The following SBF2 variants were observed in gnomAD, a reference collection of about 807,000 sequenced individuals.
SBF2 encodes the protein SET binding factor 2, also known as myotubularin-related protein 13.
SBF2 carries 112 observed loss-of-function variants against 225.2 expected under a neutral mutation model. The ratio of observed to expected loss-of-function variants is 0.50; its 90% CI spans 0.43 to 0.58. The LOEUF is 0.58. Among genes scored for constraint, SBF2 ranks in the 20% least tolerant of loss-of-function variants. The pLI is 0.00. For synonymous variants in SBF2, 763 were observed against 773.3 expected (o/e 0.99, Z 0.22); for missense variants, 1,996 against 2,206.2 (o/e 0.90, Z 1.91).
intron 2 of SBF2, among the ~76,000 whole-genome samples, chr11:10,145,112 G>A (rs1039399514): frequency 1.3e-5 from 2 of 152,160 alleles, no homozygotes; most frequent in Admixed American, 1.3e-4. Flanking sequence ...GCTTTACAAC[G>A]TCCAGGGCCT....
chr11:10,046,035 C>T (rs1180099232), intron 2 of SBF2, among the ~76,000 whole-genome samples: 1 of 151,974 alleles, frequency 6.6e-6, no homozygotes, highest in Non-Finnish European at 1.5e-5. Flanking sequence ...TAGCTATTTA[C>T]ATAACATTTA....
At chr11:9,920,908 T>C (rs61876938) in intron 16 of SBF2, among the ~76,000 whole-genome samples, 4 of 147,824 alleles carry the variant, frequency 2.7e-5, no homozygotes, top group Non-Finnish European at 4.4e-5. Context: ...TAAGGGTTCC[T>C]CCTACCCTTA....
chr11:9,942,856 A>G (rs1256697354), intron 16 of SBF2, among the ~76,000 whole-genome samples: 6 of 143,672 alleles, frequency 4.2e-5, no homozygotes, highest in East Asian at 4.0e-4. Flanking sequence ...ACAAAGAAAG[A>G]AAGGAAGAAA....
intron 2 of SBF2, among the ~76,000 whole-genome samples, chr11:10,172,691 G>C (rs1485237878): frequency 6.6e-6 from 1 of 151,522 alleles, no homozygotes; most frequent in Non-Finnish European, 1.5e-5. Flanking sequence ...TTTTGAGATG[G>C]CGTCTCACTC....
intron 1 of SBF2, among the ~76,000 whole-genome samples, chr11:10,264,621 C>T (rs1961771688): frequency 6.6e-6 from 1 of 152,022 alleles, no homozygotes; most frequent in South Asian, 2.1e-4. Context: ...TTCTGAGGTA[C>T]ATGTGCAGAA....
chr11:10,241,626 A>T (rs907748525), intron 1 of SBF2, among the ~76,000 whole-genome samples: 14 of 152,124 alleles, frequency 9.2e-5, no homozygotes, highest in Non-Finnish European at 1.3e-4. Flanking sequence ...AAAAGATAAA[A>T]AAGTATATTA....
At chr11:10,094,337 A>G (rs1001520995) in intron 2 of SBF2, among the ~76,000 whole-genome samples, 4 of 151,974 alleles carry the variant, frequency 2.6e-5, no homozygotes, top group Non-Finnish European at 5.9e-5. Flanking sequence ...AAATATATGT[A>G]TATATATATT....
At chr11:9,958,997 C>T in intron 16 of SBF2, 1 of 921,654 alleles carries the variant, frequency 1.1e-6, no homozygotes, top group Non-Finnish European at 1.7e-6. Context: ...TTGATGGCCT[C>T]CTCAATGTAT....
At chr11:10,241,127 G>T (rs115634707) in intron 1 of SBF2, among the ~76,000 whole-genome samples, 3,302 of 152,240 alleles carry the variant, frequency 0.022, 90 homozygotes, top group African/African-American at 0.065. Flanking sequence ...GAGGAAGGGG[G>T]ATCACTTGAG....
chr11:9,808,155 G>A lies in SBF2; in HGVS notation c.4288C>T (p.Pro1430Ser), dbSNP rs1312716983. The change falls in exon 32 of 40, where the codon CCC (proline) becomes TCC (serine). Residue 1430 changes from proline (P) to serine (S), a missense_variant. Physicochemically the swap from Pro to Ser is moderately conservative, Grantham distance 74. Transcript: ENST00000256190. ...AAGCCTTCAAGTGTCCTATAAAAGG[G>A]ATCACTGAGTAACTGAACCAGGGAT... ...VTSLVQLLSDPFYRTLEGFQM... is the reference protein window; with the variant it reads ...VTSLVQLLSDSFYRTLEGFQM... 1.9e-6 allele frequency: 3 copies of A among 1,613,952 alleles called. No homozygotes were observed. The highest frequency in any genetic ancestry group is 1.3e-5 in the African/African-American group (1 of 74,910).
chr11:9,958,879 G>C, intron 16 of SBF2: 1 of 676,704 alleles, frequency 1.5e-6, no homozygotes, highest in Non-Finnish European at 2.8e-6. Flanking sequence ...CAACAGTCTG[G>C]GGAATGTGTA....
intron 16 of SBF2, chr11:9,958,825 G>A (rs145697791): frequency 5.5e-5 from 32 of 581,578 alleles, no homozygotes; most frequent in African/African-American, 5.4e-4. Flanking sequence ...GGTCACAGTC[G>A]GCAGAGAGGC....
intron 16 of SBF2, among the ~76,000 whole-genome samples, chr11:9,927,989 A>C (rs1388891703): frequency 7.9e-6 from 1 of 126,996 alleles, no homozygotes; most frequent in Non-Finnish European, 1.7e-5. Context: ...CTAAATATGA[A>C]ACCTAAACAT....
At chr11:9,985,022 G>C (rs1210724399) in intron 13 of SBF2, among the ~76,000 whole-genome samples, 1 of 152,016 alleles carries the variant, frequency 6.6e-6, no homozygotes. Flanking sequence ...AAAAATACAA[G>C]TTAAAAAGCA....
rs560799071 is a variant in SBF2, at chr11:10,165,295, T to C, written c.141+28607A>G. ...GTAAGATATAATGCATTGCTATTGG[T>C]ATTTGAAGCTTGCCACAGATATTAA... On this transcript the variant is annotated intron_variant, in intron 2 of 39. Transcript: ENST00000256190. Among the ~76,000 whole-genome samples, 4 of 152,312 alleles carry C rather than the reference T, an allele frequency of 2.6e-5. No homozygotes were observed. The East Asian group carries it at 7.7e-4, about 29-fold the overall frequency.
In SBF2 at chr11:10,182,236, G is replaced by C. The variant is rs577683434; in HGVS notation, c.141+11666C>G. 3.3e-5 allele frequency among the ~76,000 whole-genome samples: 5 copies of C among 152,246 alleles called. No individual in the cohort carries two copies. In the East Asian group the frequency reaches 9.6e-4, roughly 29 times the overall value. ...AAAGCTTTATGAGATCAAAATGGGG[G>C]GGTAGGTAATATAAAAATTCATTCC... On this transcript the variant is annotated intron_variant, in intron 2 of 39. Transcript: ENST00000256190.
At chr11:10,121,597 C>T (rs1180339104) in intron 2 of SBF2, among the ~76,000 whole-genome samples, 1 of 152,130 alleles carries the variant, frequency 6.6e-6, no homozygotes, top group Non-Finnish European at 1.5e-5. Context: ...CAGCTGATCC[C>T]CTATTTCACC....
At chr11:10,200,407 A>G (rs919667959) in intron 1 of SBF2, among the ~76,000 whole-genome samples, 1 of 152,246 alleles carries the variant, frequency 6.6e-6, no homozygotes, top group Non-Finnish European at 1.5e-5. Flanking sequence ...CATAGTGTAG[A>G]GAAGAAAACT....
intron 2 of SBF2, among the ~76,000 whole-genome samples, chr11:10,143,724 GTTT>G (rs200454034): frequency 7.0e-6 from 1 of 143,272 alleles, no homozygotes; most frequent in African/African-American, 2.5e-5. Flanking sequence ...TTTTGCTTTT[GTTT>G]TTTTTTTTTA....
Sources: gnomAD v4.1 joint callset for allele counts (sites outside exome capture counted in the v4.1 genomes callset) on GRCh38, gnomAD v4.1.1 for gene constraint, MANE v1.5 for transcripts, NCBI Gene and HGNC (gene_info 2026-07-23, HGNC 2026-07-21) for gene names.